The following ANGPT1 variants were observed in gnomAD, a reference collection of about 807,000 sequenced individuals.
The protein encoded by ANGPT1 is angiopoietin 1, also known as angiopoietin-1.
A neutral mutation model predicts 62.2 loss-of-function variants in ANGPT1; 17 were observed. That is an observed-to-expected ratio of 0.27 (90% CI 0.19 to 0.41). The LOEUF is 0.41. Ranked by LOEUF, ANGPT1 falls within the 10% of genes least tolerant of loss-of-function variation. ANGPT1 has a pLI of 1.00. For synonymous variants in ANGPT1, 199 were observed against 198.9 expected, an observed-to-expected ratio of 1.00 and a Z score of 0.00; for missense variants, 478 against 594.9, an observed-to-expected ratio of 0.80 and a Z score of 2.04.
chr8:107,483,452 G>C (rs1812736701), intron 1 of ANGPT1, among the ~76,000 whole-genome samples: 1 of 152,066 alleles, frequency 6.6e-6, no homozygotes, highest in Non-Finnish European at 1.5e-5. Flanking sequence ...TATCTTGACT[G>C]TCAGTAAGAG....
intron 5 of ANGPT1, among the ~76,000 whole-genome samples, chr8:107,300,860 A>G (rs60516302): frequency 0.038 from 5,793 of 152,078 alleles, 236 homozygotes; most frequent in African/African-American, 0.095. Flanking sequence ...TGCTTTCCTG[A>G]TGAAACCAAC....
At chr8:107,256,096 CT>C (rs1813350795) in intron 8 of ANGPT1, among the ~76,000 whole-genome samples, 1 of 152,052 alleles carries the variant, frequency 6.6e-6, no homozygotes, top group African/African-American at 2.4e-5. Context: ...GTTCAATTAA[CT>C]CTTTATCTTA....
At chr8:107,338,035 G>A (rs914737957) in intron 2 of ANGPT1, among the ~76,000 whole-genome samples, 1 of 152,154 alleles carries the variant, frequency 6.6e-6, no homozygotes. Context: ...GGCAGAGTTT[G>A]CAGTGAGCCA....
intron 8 of ANGPT1, among the ~76,000 whole-genome samples, chr8:107,254,791 T>C (rs558922192): frequency 1.3e-5 from 2 of 152,240 alleles, no homozygotes; most frequent in East Asian, 3.9e-4. Flanking sequence ...GTTCAATGTT[T>C]ATGGAACAAT....
intron 1 of ANGPT1, among the ~76,000 whole-genome samples, chr8:107,374,922 G>A (rs1022181344): frequency 1.3e-5 from 2 of 152,162 alleles, no homozygotes; most frequent in Non-Finnish European, 1.5e-5. Flanking sequence ...AGCACTTTGG[G>A]AGGCCGAGGA....
At chr8:107,486,640 A>C (rs1812822870) in intron 1 of ANGPT1, among the ~76,000 whole-genome samples, 1 of 152,116 alleles carries the variant, frequency 6.6e-6, no homozygotes, top group African/African-American at 2.4e-5. Context: ...CATAGATACT[A>C]TTATCACCTC....
intron 1 of ANGPT1, among the ~76,000 whole-genome samples, chr8:107,386,853 C>T (rs191340289): frequency 2.8e-4 from 42 of 152,150 alleles, no homozygotes; most frequent in African/African-American, 7.5e-4. Flanking sequence ...TGACAGACTA[C>T]AGGGTATTCT....
In ANGPT1 at chr8:107,391,892, T is replaced by C. The variant is rs982554957; in HGVS notation, c.298-44795A>G. Among the ~76,000 whole-genome samples, 4 of 152,188 alleles carry C rather than the reference T, an allele frequency of 2.6e-5. 1 individual carries two copies. The highest frequency in any genetic ancestry group is 1.3e-4 in the Admixed American group (2 of 15,274). On this transcript the variant is annotated intron_variant, in intron 1 of 8. Coordinates refer to ENST00000517746, the MANE Select transcript of ANGPT1 (RefSeq NM_001146.5). ...ACAGAAAATGTAATGCATTGCCCTATGATATTACCACAGCTACAATATCAC... is the reference window on the plus strand; with the variant it reads ...ACAGAAAATGTAATGCATTGCCCTACGATATTACCACAGCTACAATATCAC...
chr8:107,435,258 C>G (rs1021764604), intron 1 of ANGPT1, among the ~76,000 whole-genome samples: 8 of 152,126 alleles, frequency 5.3e-5, no homozygotes, highest in African/African-American at 1.9e-4. Flanking sequence ...GTAGGTAAAT[C>G]ATACCCCCCA....
chr8:107,406,574 T>A (rs1391670385), intron 1 of ANGPT1, among the ~76,000 whole-genome samples: 3 of 151,980 alleles, frequency 2.0e-5, no homozygotes, highest in Non-Finnish European at 4.4e-5. Context: ...CTGAGAAAGT[T>A]TAAAGTACCT....
chr8:107,404,097 C>T (rs959334530), intron 1 of ANGPT1, among the ~76,000 whole-genome samples: 11 of 152,020 alleles, frequency 7.2e-5, no homozygotes, highest in African/African-American at 1.9e-4. Context: ...AGCTTCGTGC[C>T]GGCCACAAAA....
chr8:107,360,057 G>T (rs528830934), intron 1 of ANGPT1, among the ~76,000 whole-genome samples: 1 of 152,238 alleles, frequency 6.6e-6, no homozygotes, highest in Admixed American at 6.5e-5. Context: ...ATTCCCCACT[G>T]GCTCAGCCAG....
chr8:107,330,185 G>C (rs2130096450), intron 3 of ANGPT1, among the ~76,000 whole-genome samples: 1 of 152,220 alleles, frequency 6.6e-6, no homozygotes, highest in South Asian at 2.1e-4. Flanking sequence ...GCTCATGTCA[G>C]GCACTGTTCT....
intron 1 of ANGPT1, among the ~76,000 whole-genome samples, chr8:107,396,473 C>T (rs973287750): frequency 8.0e-5 from 12 of 150,758 alleles, no homozygotes; most frequent in African/African-American, 1.7e-4. Flanking sequence ...AACTAAAACC[C>T]GTCCTTTTTA....
chr8:107,304,682 T>A (rs770121830), intron 4 of ANGPT1, among the ~76,000 whole-genome samples: 1 of 151,888 alleles, frequency 6.6e-6, no homozygotes, highest in Non-Finnish European at 1.5e-5. Flanking sequence ...TATAAATTAC[T>A]CAGATTTTTA....
chr8:107,453,814 G>T lies in ANGPT1; in HGVS notation c.297+43448C>A, dbSNP rs1328667129. ...AATGACTATTAAATGAGGTGGCGAA[G>T]TATATTTCTTGACATGAACAGATGC... On this transcript the variant is annotated intron_variant, in intron 1 of 8. Transcript: ENST00000517746. Among the ~76,000 whole-genome samples the T allele has an allele frequency of 3.3e-5, 5 of 151,622 alleles. No individual in the cohort carries two copies. The Admixed American group carries it at 3.3e-4, about 10-fold the overall frequency.
intron 1 of ANGPT1, among the ~76,000 whole-genome samples, chr8:107,357,178 A>G (rs1816064069): frequency 6.6e-6 from 1 of 152,182 alleles, no homozygotes; most frequent in Non-Finnish European, 1.5e-5. Context: ...AAATTTAATC[A>G]CTTCAGAAAA....
intron 1 of ANGPT1, among the ~76,000 whole-genome samples, chr8:107,369,012 C>A (rs569179897): frequency 8.4e-6 from 1 of 119,334 alleles, no homozygotes; most frequent in South Asian, 2.8e-4. Flanking sequence ...TCTTTTGAAG[C>A]TTTGAAGCCA....
rs1178469511 is a variant in ANGPT1, at chr8:107,293,316, G to A, written c.1038+620C>T. On this transcript the variant is annotated intron_variant, in intron 6 of 8. Coordinates refer to ENST00000517746, the MANE Select transcript of ANGPT1 (RefSeq NM_001146.5). ...TGTGTACTCCTCGTGCCTTAAATCT[G>A]GACTTTCCTTTTGACCAACCATAAC... Among the ~76,000 whole-genome samples the A allele has an allele frequency of 2.0e-5, 3 of 151,974 alleles. No individual in the cohort carries two copies. The East Asian group carries it at 5.8e-4, about 29-fold the overall frequency.
Sources: allele counts gnomAD v4.1 joint callset (sites outside exome capture counted in the v4.1 genomes callset), GRCh38; gene constraint gnomAD v4.1.1; transcripts MANE v1.5; gene names NCBI Gene and HGNC (gene_info 2026-07-23, HGNC 2026-07-21).